The following ZNF239 variants were observed in gnomAD, a reference collection of about 807,000 sequenced individuals.
ZNF239 encodes zinc finger protein 239, also known as zinc finger protein (C2H2) homologous to mouse MOK-2.
ZNF239 carries 16 observed loss-of-function variants against 27.5 expected under a neutral mutation model. The ratio of observed to expected loss-of-function variants is 0.58; its 90% CI spans 0.39 to 0.88. ZNF239 has a LOEUF of 0.88. Among genes scored for constraint, ZNF239 ranks in the 40% least tolerant of loss-of-function variants. The pLI is 0.00. For synonymous variants in ZNF239, 199 were observed against 192.6 expected, an observed-to-expected ratio of 1.03 and a Z score of -0.27; for missense variants, 527 against 551.9, an observed-to-expected ratio of 0.95 and a Z score of 0.45.
chr10:43,560,935 T>C (rs772257992), intron 3 of ZNF239, among the ~76,000 whole-genome samples: 5 of 152,118 alleles, frequency 3.3e-5, no homozygotes, highest in African/African-American at 7.2e-5. Context: ...TATAAACATA[T>C]TGCTATGAAA....
At chr10:43,559,866 G>GA (rs373820956) in intron 3 of ZNF239, among the ~76,000 whole-genome samples, 1 of 152,008 alleles carries the variant, frequency 6.6e-6, no homozygotes, top group East Asian at 1.9e-4. Flanking sequence ...GGAACTAGGG[G>GA]AAAAAAATGT....
At position 43,567,907 on chromosome 10, in the gene ZNF239, A is replaced by G; in HGVS notation, c.-101T>C. On this transcript the variant is annotated 5_prime_UTR_variant, in exon 3 of 4. Transcript: ENST00000374446. ...CACATGTCCTTACCCACCAAGACCA[A>G]GTTTCTGTAGTTGCCCAGCATCACA... 1.0e-6 allele frequency: 1 copy of G among 985,766 alleles called. No homozygotes were observed. The highest frequency in any genetic ancestry group is 1.2e-6 in the Non-Finnish European group (1 of 829,928). The allele number at this position is 985,766 out of a possible 1,614,324, so 61.1% of individuals were successfully genotyped here.
intron 2 of ZNF239, among the ~76,000 whole-genome samples, chr10:43,571,842 C>A (rs994000572): frequency 6.6e-6 from 1 of 152,114 alleles, no homozygotes; most frequent in Non-Finnish European, 1.5e-5. Context: ...CAGGTGTGAG[C>A]CACCATGTCT....
rs761787148 is a variant in ZNF239, at chr10:43,557,715, G to A, written c.365C>T (p.Ser122Phe). ...TGGCGAGGCCAGTTCTTGTCCATCAGACACCAGTTTAACTTGAAGGTTCTC... is the reference window on the plus strand; with the variant it reads ...TGGCGAGGCCAGTTCTTGTCCATCAAACACCAGTTTAACTTGAAGGTTCTC... ...CSENLQVKLV[S>F]DGQELASPLL... is the part of the protein sequence containing the mutation. The change falls in exon 4 of 4, where the codon TCT becomes TTT. Residue 122 changes from serine to phenylalanine, a missense_variant. Physicochemically the swap from Ser to Phe is radical, Grantham distance 155. Coordinates refer to ENST00000374446, the MANE Select transcript of ZNF239 (RefSeq NM_001099282.2). 56 of 1,613,980 alleles carry A rather than the reference G, an allele frequency of 3.5e-5. 1 individual carries two copies. The highest frequency in any genetic ancestry group is 4.5e-5 in the Non-Finnish European group (53 of 1,180,036).
At chr10:43,570,031 T>C in intron 2 of ZNF239, 1 of 338,212 alleles carries the variant, frequency 3.0e-6, no homozygotes, top group Non-Finnish European at 4.2e-6. Flanking sequence ...AAGGCACAAT[T>C]TCAAAAGTAA....
chr10:43,567,361 G>C (rs970098466), intron 3 of ZNF239, among the ~76,000 whole-genome samples: 1 of 152,054 alleles, frequency 6.6e-6, no homozygotes, highest in South Asian at 2.1e-4. Context: ...GGGAAATGTG[G>C]GGAAAGGCAG....
chr10:43,556,607 C>A lies in ZNF239; in HGVS notation c.*96G>T. 9.0e-6 allele frequency: 13 copies of A among 1,449,408 alleles called. No homozygotes were observed. The highest frequency in any genetic ancestry group is 4.6e-5 in the Admixed American group (2 of 43,842). 89.8% of individuals were successfully genotyped at this position (1,449,408 alleles called of 1,614,324 possible). A position where few individuals can be genotyped will look rare whatever the true frequency, so the allele number is the denominator to read the frequency against. On this transcript the variant is annotated 3_prime_UTR_variant, in exon 4 of 4. Coordinates refer to ENST00000374446, the MANE Select transcript of ZNF239 (RefSeq NM_001099282.2). ...GAACATATCTAAATAACCCTTACAT[C>A]TCTCTCCTTTGTAGAATATAAAGTA...
At chr10:43,571,785 G>A (rs1024813964) in intron 2 of ZNF239, among the ~76,000 whole-genome samples, 3 of 152,110 alleles carry the variant, frequency 2.0e-5, no homozygotes, top group Non-Finnish European at 2.9e-5. Context: ...CTCAACTCCT[G>A]ACCTCAGGTG....
Position 43,573,045 on chromosome 10 carries a change from G to A in ZNF239, c.-216+592C>T, listed in dbSNP as rs185986797. Among the ~76,000 whole-genome samples, 327 of 152,278 alleles carry A rather than the reference G, an allele frequency of 2.1e-3. 3 individuals carry two copies. Among genetic ancestry groups the A allele is most frequent in the African/African-American group, 7.4e-3 (307 of 41,556 alleles). ...CTCTCCTTTCACTAGGTCTGGAAGA[G>A]AGAAGGAAGCTTAGTTCTTAAAAAA... On this transcript the variant is annotated intron_variant, in intron 2 of 3. Transcript: ENST00000374446.
At chr10:43,565,046 G>A (rs112120028) in intron 3 of ZNF239, among the ~76,000 whole-genome samples, 2 of 152,152 alleles carry the variant, frequency 1.3e-5, no homozygotes, top group African/African-American at 2.4e-5. Context: ...GTCCCCAAGG[G>A]GTGAGAATTG....
intron 2 of ZNF239, chr10:43,570,420 T>C (rs577838808): frequency 1.0e-6 from 1 of 985,334 alleles, no homozygotes; most frequent in South Asian, 4.7e-5. Flanking sequence ...GACTGGCTGC[T>C]CTTCCCAACC....
intron 3 of ZNF239, among the ~76,000 whole-genome samples, chr10:43,564,481 G>A (rs1452905318): frequency 1.3e-5 from 2 of 152,142 alleles, no homozygotes. Flanking sequence ...AGAAGTTAAA[G>A]TTAAAAAAGA....
intron 1 of ZNF239, among the ~76,000 whole-genome samples, chr10:43,574,194 T>C (rs1033759847): frequency 6.6e-6 from 1 of 151,880 alleles, no homozygotes; most frequent in Non-Finnish European, 1.5e-5. Flanking sequence ...ATAACGCCCG[T>C]CACAGGCGAG....
At chr10:43,565,051 G>T (rs978152837) in intron 3 of ZNF239, among the ~76,000 whole-genome samples, 12 of 152,140 alleles carry the variant, frequency 7.9e-5, no homozygotes, top group African/African-American at 2.9e-4. Context: ...CAAGGGGTGA[G>T]AATTGGTTCA....
chr10:43,565,601 G>A (rs537685300), intron 3 of ZNF239, among the ~76,000 whole-genome samples: 109 of 151,988 alleles, frequency 7.2e-4, no homozygotes, highest in African/African-American at 2.6e-3. Context: ...AAAGACAGAA[G>A]CCAGGAGATC....
rs193228994 is a variant in ZNF239, at chr10:43,564,540, T to A, written c.-93+3359A>T. 3.9e-3 allele frequency among the ~76,000 whole-genome samples: 596 copies of A among 152,212 alleles called. 3 individuals carry two copies. Among genetic ancestry groups the A allele is most frequent in the African/African-American group, 0.013 (530 of 41,540 alleles). On this transcript the variant is annotated intron_variant, in intron 3 of 3. Transcript: ENST00000374446. The stretch of plus-strand genomic sequence containing the variant: ...GAGGACGAGAAGAGAGAAATTTTTT[T>A]TAAAAAATTTTTTTATTTTGAGACA...
intron 3 of ZNF239, among the ~76,000 whole-genome samples, chr10:43,562,155 T>C (rs373593666): frequency 3.3e-5 from 5 of 152,192 alleles, no homozygotes; most frequent in East Asian, 3.9e-4. Flanking sequence ...GGGAAGTCAA[T>C]AGAAATTACA....
In ZNF239 at chr10:43,556,559, G is replaced by T; in HGVS notation, c.*144C>A. On this transcript the variant is annotated 3_prime_UTR_variant, in exon 4 of 4. Transcript: ENST00000374446. Reference sequence around the variant, plus strand: ...AAAGTGCTTGATACTTAAATATTTTGAATGAGTGATTTTTCAGTGAGGGAA... The same window carrying T: ...AAAGTGCTTGATACTTAAATATTTTTAATGAGTGATTTTTCAGTGAGGGAA... 1 of 1,076,580 alleles carries T rather than the reference G, an allele frequency of 9.3e-7. No homozygotes were observed. Among genetic ancestry groups the T allele is most frequent in the Non-Finnish European group, 1.3e-6 (1 of 771,804 alleles). The allele number at this position is 1,076,580 out of a possible 1,614,324, so 66.7% of individuals were successfully genotyped here. A position where few individuals can be genotyped will look rare whatever the true frequency, so the allele number is the denominator to read the frequency against.
At position 43,557,235 on chromosome 10, in the gene ZNF239, T is replaced by C. The variant is rs766917593; in HGVS notation, c.845A>G (p.His282Arg). 6 of 1,613,690 alleles carry C rather than the reference T, an allele frequency of 3.7e-6. No individual in the cohort carries two copies. The African/African-American group carries it at 6.7e-5, about 18-fold the overall frequency. Residue 282 changes from histidine (H) to arginine (R), a missense_variant, in exon 4 of 4, where the codon CAT becomes CGT. Transcript: ENST00000374446. ...FTRSSSLLIH[H>R]AVHTGEKPYK... is the part of the protein sequence containing the mutation. ...AGGTTTTTCGCCTGTATGGACGGCA[T>C]GATGGATGAGCAGACTTGAGCTCCT... is the stretch of plus-strand genomic sequence containing the variant.
Sources: gnomAD v4.1 joint callset for allele counts (sites outside exome capture counted in the v4.1 genomes callset) on GRCh38, gnomAD v4.1.1 for gene constraint, MANE v1.5 for transcripts, NCBI Gene and HGNC (gene_info 2026-07-23, HGNC 2026-07-21) for gene names.